APIP: variants seen among roughly 807,000 people sequenced by gnomAD.
The protein encoded by APIP is APAF1 interacting protein, also known as methylthioribulose-1-phosphate dehydratase.
A neutral mutation model predicts 32.0 loss-of-function variants in APIP; 32 were observed. That is an observed-to-expected ratio of 1.00 (90% CI 0.76 to 1.34). The LOEUF is 1.34. APIP is among the 40% of genes most tolerant of loss of function. The pLI, the probability that APIP is intolerant of heterozygous loss-of-function variation, is 0.00. For missense variants in APIP, 247 were observed against 298.6 expected (o/e 0.83, Z 1.27); for synonymous variants, 92 against 94.8 (o/e 0.97, Z 0.17).
intron 2 of APIP, among the ~76,000 whole-genome samples, 156 bp downstream of exon 2, chr11:34,894,854 T>G (rs531127736): frequency 1.3e-5 from 2 of 152,352 alleles, no homozygotes; most frequent in South Asian, 4.1e-4. Context: ...TTGCTTCCAT[T>G]CAGTTACACA....
At chr11:34,902,663 A>C (rs1038464126) in intron 1 of APIP, among the ~76,000 whole-genome samples, 3 of 152,176 alleles carry the variant, frequency 2.0e-5, no homozygotes, top group Non-Finnish European at 4.4e-5. Context: ...CTCATAAAAG[A>C]AACTCAGGGA....
At chr11:34,916,043 T>A in intron 1 of APIP, 185 bp downstream of exon 1, 1 of 743,068 alleles carries the variant, frequency 1.3e-6, no homozygotes, top group Non-Finnish European at 2.1e-6. Flanking sequence ...ACTGATCTCC[T>A]GGGGCCTCGC....
chr11:34,890,578 G>T (rs1853171126), intron 2 of APIP, 26 bp from the exon 3 acceptor site: 3 of 1,606,248 alleles, frequency 1.9e-6, no homozygotes, highest in Non-Finnish European at 2.6e-6. Context: ...ATACAAATTG[G>T]TATTTATTTA....
Position 34,882,608 on chromosome 11 carries a change from C to A in APIP, c.*109G>T, listed in dbSNP as rs968525528. ...GGTGACCATTTGCAGTATTTAGTGG[C>A]AAATTAGTAGCATCATGAAAAATTT... On this transcript the variant is annotated 3_prime_UTR_variant, in exon 7 of 7. Transcript: ENST00000395787. The A allele has an allele frequency of 1.2e-5, 9 of 760,622 alleles. No individual in the cohort carries two copies. Among genetic ancestry groups the A allele is most frequent in the African/African-American group, 1.8e-5 (1 of 55,208 alleles). The allele number at this position is 760,622 out of a possible 1,614,324, so 47.1% of individuals were successfully genotyped here.
intron 2 of APIP, chr11:34,890,841 G>A: frequency 4.8e-6 from 1 of 207,304 alleles, no homozygotes; most frequent in Admixed American, 5.9e-5. Context: ...TCCTGTTAGG[G>A]GAATAAAAAT....
At chr11:34,909,630 C>G (rs899394418) in intron 1 of APIP, among the ~76,000 whole-genome samples, 4 of 152,120 alleles carry the variant, frequency 2.6e-5, no homozygotes, top group African/African-American at 9.7e-5. Flanking sequence ...GCAAGTACTT[C>G]ACAGGCGGAA....
At chr11:34,883,597 A>ACAAACAGCGTGTCTAAC in intron 5 of APIP, 93 bp from the exon 6 acceptor site, 2 of 1,354,316 alleles carry the variant, frequency 1.5e-6, no homozygotes, top group Non-Finnish European at 2.0e-6. Context: ...CCAGTTAGAC[A>ACAAACAGCGTGTCTAAC]TGCTGTTTGT....
chr11:34,884,688 C>G (rs1176429474), intron 5 of APIP, among the ~76,000 whole-genome samples: 1 of 151,556 alleles, frequency 6.6e-6, no homozygotes, highest in East Asian at 1.9e-4. Flanking sequence ...CGAGACACTA[C>G]ACTCTAGCCT....
intron 2 of APIP, 38 bp downstream of exon 2, chr11:34,894,972 T>C (rs1160972359): frequency 6.5e-7 from 1 of 1,549,256 alleles, no homozygotes. Context: ...TCTACTCAAA[T>C]GGAGAGTTCC....
chr11:34,900,534 T>G (rs985413841), intron 1 of APIP, among the ~76,000 whole-genome samples: 6 of 152,128 alleles, frequency 3.9e-5, no homozygotes, highest in African/African-American at 1.2e-4. Flanking sequence ...TTTTCCAAAA[T>G]TTAACTCAGG....
At chr11:34,915,903 A>C in intron 1 of APIP, 1 of 420,924 alleles carries the variant, frequency 2.4e-6, no homozygotes, top group Non-Finnish European at 4.2e-6. Flanking sequence ...GTGCTTCACG[A>C]TTCCTTCTCT....
chr11:34,892,918 T>C (rs939147991), intron 2 of APIP, among the ~76,000 whole-genome samples: 3 of 152,094 alleles, frequency 2.0e-5, no homozygotes, highest in Admixed American at 6.5e-5. Context: ...GTCATTTAAA[T>C]ATTAGGGAAA....
intron 4 of APIP, 96 bp downstream of exon 4, chr11:34,888,656 G>T: frequency 8.7e-7 from 1 of 1,155,028 alleles, no homozygotes; most frequent in Non-Finnish European, 1.2e-6. Context: ...TGCACATGGT[G>T]GGTATCCAAG....
intron 1 of APIP, among the ~76,000 whole-genome samples, chr11:34,895,822 C>T (rs1227674768): frequency 6.6e-6 from 1 of 151,760 alleles, no homozygotes; most frequent in African/African-American, 2.4e-5. Context: ...AGAGCCCACA[C>T]CATTTTCTCC....
intron 1 of APIP, among the ~76,000 whole-genome samples, chr11:34,912,585 C>A (rs895832478): frequency 6.6e-6 from 1 of 152,102 alleles, no homozygotes; most frequent in East Asian, 1.9e-4. Flanking sequence ...GCAGGCCCAC[C>A]CTTAATCTGG....
At chr11:34,900,740 C>G (rs560136075) in intron 1 of APIP, among the ~76,000 whole-genome samples, 1 of 152,140 alleles carries the variant, frequency 6.6e-6, no homozygotes, top group East Asian at 1.9e-4. Flanking sequence ...GGAAAGGAAG[C>G]AGTTCTGGTA....
intron 2 of APIP, 116 bp downstream of exon 2, chr11:34,894,894 G>A (rs1006178364): frequency 2.1e-5 from 18 of 866,526 alleles, no homozygotes; most frequent in Non-Finnish European, 3.4e-5. Flanking sequence ...AGAAACTAAA[G>A]ACCTTCAGTA....
In APIP at chr11:34,896,795, C is replaced by T. The variant is rs778805518; in HGVS notation, c.58-1685G>A. ...AAGTGAGCGCCAAAGCCAGAATGTT[C>T]CTGAAGGTATTGCAAAACTCTGGTG... On this transcript the variant is annotated intron_variant, in intron 1 of 6. Transcript: ENST00000395787. The T allele has an allele frequency of 9.3e-6, 12 of 1,287,922 alleles. No homozygotes were observed. The South Asian group carries it at 1.5e-4, about 16-fold the overall frequency. 79.8% of individuals were successfully genotyped at this position (1,287,922 alleles called of 1,614,324 possible).
At chr11:34,911,987 T>A (rs1015220860) in intron 1 of APIP, among the ~76,000 whole-genome samples, 3 of 152,240 alleles carry the variant, frequency 2.0e-5, no homozygotes, top group African/African-American at 7.2e-5. Flanking sequence ...GTTTGCATTT[T>A]TCAGCCTGGA....
Sources: allele counts gnomAD v4.1 joint callset (sites outside exome capture counted in the v4.1 genomes callset), GRCh38; gene constraint gnomAD v4.1.1; transcripts MANE v1.5; gene names NCBI Gene and HGNC (gene_info 2026-07-23, HGNC 2026-07-21).